The following NELL1 variants were observed in gnomAD, a reference collection of about 807,000 sequenced individuals.
NELL1 encodes neural EGFL like 1.
A neutral mutation model predicts 107.4 loss-of-function variants in NELL1; 76 were observed. The observed-to-expected ratio is 0.71, with a 90% confidence interval of 0.59 to 0.86. The LOEUF (loss-of-function observed/expected upper bound fraction) is 0.86. Among genes scored for constraint, NELL1 ranks in the 40% least tolerant of loss-of-function variants. The pLI, the probability that NELL1 is intolerant of heterozygous loss-of-function variation, is 0.00. For missense variants in NELL1, 1,024 were observed against 1,005.5 expected (o/e 1.02, Z -0.25); for synonymous variants, 353 against 341.2 (o/e 1.03, Z -0.38).
chr11:21,535,410 T>G (rs2133972178), intron 16 of NELL1, among the ~76,000 whole-genome samples: 1 of 152,308 alleles, frequency 6.6e-6, no homozygotes, highest in Non-Finnish European at 1.5e-5. Flanking sequence ...GAATATTTGT[T>G]TTCTCTGCTT....
At chr11:20,694,204 T>A (rs1482849683) in intron 2 of NELL1, among the ~76,000 whole-genome samples, 2 of 152,102 alleles carry the variant, frequency 1.3e-5, no homozygotes, top group Non-Finnish European at 2.9e-5. Flanking sequence ...TTTTCAAAGT[T>A]TTCAACTTCT....
chr11:21,090,430 T>C (rs540697569), intron 12 of NELL1, among the ~76,000 whole-genome samples: 31 of 152,294 alleles, frequency 2.0e-4, no homozygotes, highest in African/African-American at 7.2e-4. Context: ...CAGAGCTATT[T>C]TGGCTCTATT....
chr11:20,737,767 A>G (rs78752029), intron 2 of NELL1, among the ~76,000 whole-genome samples: 1 of 151,802 alleles, frequency 6.6e-6, no homozygotes, highest in South Asian at 2.1e-4. Flanking sequence ...CATTATTATT[A>G]TTTCCAAAGA....
chr11:21,542,740 A>AT (rs1044879145), intron 16 of NELL1, among the ~76,000 whole-genome samples: 1 of 152,036 alleles, frequency 6.6e-6, no homozygotes, highest in Non-Finnish European at 1.5e-5. Context: ...TTTTAAACCA[A>AT]TTTTTTAAAT....
intron 11 of NELL1, among the ~76,000 whole-genome samples, chr11:20,948,765 TAA>T (rs35915453): frequency 0.072 from 7,729 of 107,208 alleles, 231 homozygotes; most frequent in Middle Eastern, 0.14. Flanking sequence ...TTCAAAATCT[TAA>T]AAAAAAAAAA....
chr11:21,509,804 A>G (rs1372555775), intron 15 of NELL1, among the ~76,000 whole-genome samples: 1 of 152,258 alleles, frequency 6.6e-6, no homozygotes, highest in Non-Finnish European at 1.5e-5. Flanking sequence ...CCTATATTAT[A>G]GTATCCTTTA....
intron 2 of NELL1, among the ~76,000 whole-genome samples, chr11:20,745,427 C>G (rs1855981805): frequency 6.6e-6 from 1 of 152,172 alleles, no homozygotes; most frequent in African/African-American, 2.4e-5. Context: ...CCATGATCAA[C>G]TGAAGATAGC....
chr11:20,811,711 G>A (rs1277903880), intron 3 of NELL1, among the ~76,000 whole-genome samples: 1 of 151,900 alleles, frequency 6.6e-6, no homozygotes, highest in Non-Finnish European at 1.5e-5. Context: ...AAATTGGATT[G>A]CTTTCTTGAT....
intron 9 of NELL1, among the ~76,000 whole-genome samples, chr11:20,931,969 T>G (rs1850628073): frequency 6.6e-6 from 1 of 152,134 alleles, no homozygotes; most frequent in Non-Finnish European, 1.5e-5. Flanking sequence ...GTCTGCTCAC[T>G]CACTGAGTGT....
intron 2 of NELL1, among the ~76,000 whole-genome samples, chr11:20,722,056 C>T (rs1248133770): frequency 6.7e-6 from 1 of 150,216 alleles, no homozygotes; most frequent in Non-Finnish European, 1.5e-5. Context: ...AGTCTTGCTC[C>T]ATCACCCAGG....
intron 15 of NELL1, among the ~76,000 whole-genome samples, chr11:21,409,975 G>A (rs973540066): frequency 6.6e-6 from 1 of 151,918 alleles, no homozygotes; most frequent in South Asian, 2.1e-4. Context: ...TTTTAATTTA[G>A]GATATTGTTT....
chr11:20,692,757 A>G (rs1854503265), intron 2 of NELL1, among the ~76,000 whole-genome samples: 1 of 152,054 alleles, frequency 6.6e-6, no homozygotes, highest in African/African-American at 2.4e-5. Context: ...AAGAATGTAT[A>G]TTTTGTTGAT....
intron 12 of NELL1, among the ~76,000 whole-genome samples, chr11:21,021,388 A>G (rs1033388953): frequency 3.3e-5 from 5 of 152,112 alleles, no homozygotes; most frequent in Admixed American, 6.6e-5. Flanking sequence ...ACTATGGCCC[A>G]TAGAGTTGTG....
chr11:20,847,495 G>A (rs1450037410), intron 3 of NELL1, 88 bp from the exon 4 acceptor site: 1 of 1,350,134 alleles, frequency 7.4e-7, no homozygotes, highest in Non-Finnish European at 1.0e-6. Flanking sequence ...TAGATTGTGA[G>A]AGACCTGGTA....
intron 15 of NELL1, among the ~76,000 whole-genome samples, chr11:21,420,212 GTCT>G (rs1165357256): frequency 6.6e-6 from 1 of 152,058 alleles, no homozygotes; most frequent in Non-Finnish European, 1.5e-5. Context: ...AAGCCTCATA[GTCT>G]TCTACAAATG....
chr11:20,801,292 GC>G (rs1203015703), intron 3 of NELL1, among the ~76,000 whole-genome samples: 2 of 152,124 alleles, frequency 1.3e-5, no homozygotes, highest in African/African-American at 4.8e-5. Flanking sequence ...ATGCTGCCTG[GC>G]CCCTGTAGCC....
chr11:21,053,829 A>G (rs1482518204), intron 12 of NELL1, among the ~76,000 whole-genome samples: 1 of 152,172 alleles, frequency 6.6e-6, no homozygotes, highest in Non-Finnish European at 1.5e-5. Flanking sequence ...GATCTCCTTC[A>G]GGCTGCAGGG....
At chr11:21,515,509 T>C (rs1225619685) in intron 15 of NELL1, among the ~76,000 whole-genome samples, 1 of 152,140 alleles carries the variant, frequency 6.6e-6, no homozygotes, top group Non-Finnish European at 1.5e-5. Flanking sequence ...ATAAAGAACA[T>C]AGAGCTCAGA....
At chr11:21,232,957 TAA>T (rs1424270674) in intron 14 of NELL1, among the ~76,000 whole-genome samples, 1 of 152,196 alleles carries the variant, frequency 6.6e-6, no homozygotes, top group African/African-American at 2.4e-5. Flanking sequence ...TCAGCAGAAC[TAA>T]GTCTTTTTAA....
Sources: allele counts gnomAD v4.1 joint callset (sites outside exome capture counted in the v4.1 genomes callset), GRCh38; gene constraint gnomAD v4.1.1; transcripts MANE v1.5; gene names NCBI Gene and HGNC (gene_info 2026-07-23, HGNC 2026-07-21).